Variants in DNAH7 observed in about 807,000 individuals in gnomAD.
The protein encoded by DNAH7 is dynein axonemal heavy chain 7, also known as axonemal beta dynein heavy chain 7.
Under a neutral mutation model 444.6 loss-of-function variants are expected in DNAH7, and 397 were observed. The observed-to-expected ratio is 0.89, with a 90% CI of 0.82 to 0.97. The LOEUF is 0.97. Among genes scored for constraint, DNAH7 ranks in the 50% least tolerant of loss-of-function variants. The pLI is 0.00. For synonymous variants in DNAH7, 1,636 were observed against 1,624.4 expected, an observed-to-expected ratio of 1.01 and a Z score of -0.17; for missense variants, 4,902 against 4,800.8, an observed-to-expected ratio of 1.02 and a Z score of -0.62.
At position 195,984,798 on chromosome 2, in the gene DNAH7, T is replaced by C. The variant is rs183120808; in HGVS notation, c.1755-88A>G. The C allele has an allele frequency of 2.5e-6, 3 of 1,206,000 alleles. No individual in the cohort carries two copies. The Admixed American group carries it at 6.1e-5, about 24-fold the overall frequency. The allele number at this position is 1,206,000 out of a possible 1,614,324, so 74.7% of individuals were successfully genotyped here. The stretch of plus-strand genomic sequence containing the variant: ...CCTGTATACTGTTTAAATATTCCAT[T>C]GCATGAAAAATAAAAACTATAACTT... On this transcript the variant is annotated intron_variant, in intron 14 of 64. Transcript: ENST00000312428.
At chr2:195,778,109 C>A (rs1695150251) in intron 58 of DNAH7, 124 bp from the exon 59 acceptor site, 1 of 848,378 alleles carries the variant, frequency 1.2e-6, no homozygotes, top group African/African-American at 1.7e-5. Flanking sequence ...AACTTCCCTT[C>A]GTATGCTTCC....
intron 49 of DNAH7, among the ~76,000 whole-genome samples, chr2:195,820,296 G>C (rs565973334): frequency 6.6e-6 from 1 of 151,864 alleles, no homozygotes; most frequent in Non-Finnish European, 1.5e-5. Context: ...GGCCTGTTGG[G>C]GGGTATGAGG....
At chr2:195,990,960 A>T (rs993612374) in intron 12 of DNAH7, among the ~76,000 whole-genome samples, 4 of 141,704 alleles carry the variant, frequency 2.8e-5, no homozygotes, top group Non-Finnish European at 6.0e-5. Context: ...TATATACTTA[A>T]ATATATATAC....
At chr2:196,063,680 C>T (rs987215827) in intron 1 of DNAH7, 2 of 152,402 alleles carry the variant, frequency 1.3e-5, no homozygotes, top group Non-Finnish European at 2.9e-5. Flanking sequence ...GCCCTCAGCA[C>T]ACATGTTGAT....
chr2:195,752,563 A>C (rs1254324268), intron 63 of DNAH7, among the ~76,000 whole-genome samples: 3 of 152,164 alleles, frequency 2.0e-5, no homozygotes, highest in African/African-American at 7.2e-5. Flanking sequence ...AAAAAAGAAT[A>C]AGGTCGGTCA....
Position 195,858,520 on chromosome 2 carries a change from G to A in DNAH7, c.8021C>T (p.Pro2674Leu). 6.2e-7 allele frequency: 1 copy of A among 1,613,218 alleles called. No homozygotes were observed. The highest frequency in any genetic ancestry group is 8.5e-7 in the Non-Finnish European group (1 of 1,179,694). The change falls in exon 43 of 65, where the codon CCA becomes CTA. Residue 2674 changes from proline to leucine, a missense_variant. Physicochemically the swap from Pro to Leu is moderately conservative, Grantham distance 98. Transcript: ENST00000312428. The part of the protein sequence containing the change: ...ECDADLAGAL[P>L]ILESALAALD... ...GGCGGCCAGTGCTGACTCTAATATT[G>A]GCAAGGCACCTGCCAGGTCAGCATC...
rs1031080571 is a variant in DNAH7 at position 195,923,585 on chromosome 2, T to C, written c.3825+10A>G. Reference sequence around the variant, plus strand: ...TGCTGTGTAATATAACATTCAGTGATACCACTTACTTGCCAGTAGTACCTA... The same window carrying C: ...TGCTGTGTAATATAACATTCAGTGACACCACTTACTTGCCAGTAGTACCTA... On this transcript the variant is annotated intron_variant, in intron 23 of 64. Transcript: ENST00000312428. 1 of 1,613,180 alleles carries C rather than the reference T, an allele frequency of 6.2e-7. No homozygotes were observed. Among genetic ancestry groups the C allele is most frequent in the Non-Finnish European group, 8.5e-7 (1 of 1,179,288 alleles).
chr2:195,998,868 A>G (rs1693864883), intron 12 of DNAH7: 1 of 426,630 alleles, frequency 2.3e-6, no homozygotes, highest in Non-Finnish European at 4.1e-6. Context: ...TTTATCTTTT[A>G]TAACGTATAG....
At chr2:195,908,665 T>C (rs1254556609) in intron 25 of DNAH7, among the ~76,000 whole-genome samples, 1 of 152,210 alleles carries the variant, frequency 6.6e-6, no homozygotes, top group African/African-American at 2.4e-5. Context: ...CCATTTTCTT[T>C]ATCCATTTCT....
chr2:195,921,278 C>T lies in DNAH7; in HGVS notation c.3935+810G>A, dbSNP rs116476176. Among the ~76,000 whole-genome samples, 706 of 151,984 alleles carry T rather than the reference C, an allele frequency of 4.6e-3. 10 individuals carry two copies. The highest frequency in any genetic ancestry group is 0.016 in the African/African-American group (674 of 41,452). Reference sequence around the variant, plus strand: ...TTGCACACAAATGTTTACAGTAGCACAATTTGCACTTGCAAAAATATGGAA... The same window carrying T: ...TTGCACACAAATGTTTACAGTAGCATAATTTGCACTTGCAAAAATATGGAA... On this transcript the variant is annotated intron_variant, in intron 24 of 64. Coordinates refer to ENST00000312428, the MANE Select transcript of DNAH7 (RefSeq NM_018897.3).
intron 24 of DNAH7, among the ~76,000 whole-genome samples, chr2:195,916,031 C>G (rs1480804840): frequency 2.0e-5 from 3 of 152,120 alleles, no homozygotes; most frequent in Non-Finnish European, 4.4e-5. Context: ...AAAATAAAAT[C>G]AGATCTTTGA....
At chr2:196,062,675 C>A (rs1426908909) in intron 1 of DNAH7, among the ~76,000 whole-genome samples, 2 of 152,090 alleles carry the variant, frequency 1.3e-5, no homozygotes, top group African/African-American at 4.8e-5. Flanking sequence ...CACTATCGCC[C>A]CTACGATCAC....
intron 5 of DNAH7, among the ~76,000 whole-genome samples, chr2:196,034,300 A>C (rs1306397042): frequency 6.6e-6 from 1 of 152,212 alleles, no homozygotes; most frequent in Non-Finnish European, 1.5e-5. Context: ...CATTCACAAT[A>C]AAATTAATGG....
chr2:196,026,402 A>C (rs1397131008), intron 7 of DNAH7, among the ~76,000 whole-genome samples: 3 of 152,158 alleles, frequency 2.0e-5, no homozygotes, highest in South Asian at 2.1e-4. Context: ...TGTCTACACC[A>C]AAAGATCCTG....
At chr2:195,966,246 G>T (rs76834969) in intron 17 of DNAH7, among the ~76,000 whole-genome samples, 1 of 152,166 alleles carries the variant, frequency 6.6e-6, no homozygotes, top group East Asian at 1.9e-4. Flanking sequence ...TAATTCCTAT[G>T]TGTTTGTATA....
chr2:195,769,642 C>A (rs1197359890), intron 61 of DNAH7, among the ~76,000 whole-genome samples: 1 of 152,006 alleles, frequency 6.6e-6, no homozygotes. Context: ...CCTCTCACGG[C>A]TGCCTGGACA....
chr2:195,743,996 T>A (rs1693213269), intron 63 of DNAH7, among the ~76,000 whole-genome samples: 1 of 152,044 alleles, frequency 6.6e-6, no homozygotes, highest in Non-Finnish European at 1.5e-5. Context: ...CACTAGGGAG[T>A]GCCAGACAGT....
chr2:195,993,143 T>C (rs1180750096), intron 12 of DNAH7, among the ~76,000 whole-genome samples: 1 of 152,156 alleles, frequency 6.6e-6, no homozygotes, highest in South Asian at 2.1e-4. Flanking sequence ...CTGCTGCTCC[T>C]TGGGACTGTT....
intron 10 of DNAH7, among the ~76,000 whole-genome samples, chr2:196,007,240 A>G (rs540474715): frequency 1.3e-5 from 2 of 152,222 alleles, no homozygotes; most frequent in Non-Finnish European, 2.9e-5. Context: ...AAATAGGCCA[A>G]TGAAACAGAA....
Sources: gnomAD v4.1 joint callset for allele counts (sites outside exome capture counted in the v4.1 genomes callset) on GRCh38, gnomAD v4.1.1 for gene constraint, MANE v1.5 for transcripts, NCBI Gene and HGNC (gene_info 2026-07-23, HGNC 2026-07-21) for gene names.